Variants in PABPC4L observed in about 807,000 individuals in gnomAD.
PABPC4L encodes polyadenylate-binding protein 4-like.
For missense variants in PABPC4L, 452 were observed against 451.4 expected, an observed-to-expected ratio of 1.00 and a Z score of -0.01; for synonymous variants, 169 against 164.1, an observed-to-expected ratio of 1.03 and a Z score of -0.23.
the PABPC4L span, among the ~76,000 whole-genome samples, chr4:133,998,065 G>C: frequency 6.6e-6 from 1 of 151,476 alleles, no homozygotes; most frequent in African/African-American, 2.4e-5. Context: ...GTATGATCAT[G>C]GAATTTGTTA....
At chr4:133,963,935 C>T in the PABPC4L span, among the ~76,000 whole-genome samples, 1 of 151,878 alleles carries the variant, frequency 6.6e-6, no homozygotes. Flanking sequence ...CAAAACAAAA[C>T]AAATCCAAAC....
At chr4:134,011,598 T>C in the PABPC4L span, among the ~76,000 whole-genome samples, 1 of 152,120 alleles carries the variant, frequency 6.6e-6, no homozygotes, top group African/African-American at 2.4e-5. Flanking sequence ...TGACATATTT[T>C]CTATAATTAT....
the PABPC4L span, among the ~76,000 whole-genome samples, chr4:134,005,518 G>A: frequency 1.3e-5 from 2 of 151,686 alleles, no homozygotes; most frequent in Admixed American, 6.6e-5. Flanking sequence ...TTTTTTATAA[G>A]GTATATTTTA....
chr4:134,149,029 T>C, the PABPC4L span, among the ~76,000 whole-genome samples: 1 of 152,112 alleles, frequency 6.6e-6, no homozygotes. Flanking sequence ...AGGCATTCTA[T>C]GTATCAGAAA....
At chr4:134,182,876 T>C in the PABPC4L span, among the ~76,000 whole-genome samples, 28 of 151,830 alleles carry the variant, frequency 1.8e-4, no homozygotes, top group Non-Finnish European at 3.8e-4. Flanking sequence ...CACTAATCTT[T>C]AGGGAAATTC....
At chr4:134,073,747 C>A in the PABPC4L span, among the ~76,000 whole-genome samples, 5 of 152,192 alleles carry the variant, frequency 3.3e-5, no homozygotes, top group Non-Finnish European at 5.9e-5. Flanking sequence ...AATCTAAATT[C>A]TTCACTTCTG....
the PABPC4L span, among the ~76,000 whole-genome samples, chr4:134,004,759 AC>A: frequency 6.6e-6 from 1 of 152,074 alleles, no homozygotes. Flanking sequence ...CTATATATAC[AC>A]AATAGAATAC....
the PABPC4L span, among the ~76,000 whole-genome samples, chr4:134,092,017 G>T: frequency 6.6e-6 from 1 of 151,908 alleles, no homozygotes; most frequent in Admixed American, 6.6e-5. Context: ...GTTATTGATA[G>T]ATTTTCTTCA....
the PABPC4L span, among the ~76,000 whole-genome samples, chr4:134,033,401 T>A: frequency 6.6e-6 from 1 of 151,910 alleles, no homozygotes; most frequent in Non-Finnish European, 1.5e-5. Context: ...CATTTAAGTG[T>A]TCCAGTGAAA....
At chr4:134,036,470 A>T in the PABPC4L span, among the ~76,000 whole-genome samples, 54 of 152,244 alleles carry the variant, frequency 3.5e-4, no homozygotes, top group African/African-American at 1.3e-3. Flanking sequence ...TCAGTAAATC[A>T]TAGTAGACTA....
the PABPC4L span, among the ~76,000 whole-genome samples, chr4:134,125,081 C>T: frequency 0.48 from 72,275 of 151,916 alleles, 20,386 homozygotes; most frequent in East Asian, 0.98. Context: ...TTTTAAAATA[C>T]ATTCCTGAGC....
At chr4:134,163,520 T>A in the PABPC4L span, among the ~76,000 whole-genome samples, 1 of 152,082 alleles carries the variant, frequency 6.6e-6, no homozygotes, top group Non-Finnish European at 1.5e-5. Flanking sequence ...AGCATCACCC[T>A]GACATCAAAG....
chr4:134,120,208 T>A, the PABPC4L span, among the ~76,000 whole-genome samples: 1 of 150,344 alleles, frequency 6.7e-6, no homozygotes, highest in Admixed American at 6.7e-5. Context: ...ATGTGAAGGG[T>A]CCCCTAGCTC....
the PABPC4L span, among the ~76,000 whole-genome samples, chr4:134,120,906 T>C: frequency 6.6e-6 from 1 of 151,384 alleles, no homozygotes; most frequent in African/African-American, 2.4e-5. Context: ...TTAAATTGTT[T>C]TTCTCCTCTC....
the PABPC4L span, among the ~76,000 whole-genome samples, chr4:134,014,464 C>T: frequency 7.2e-5 from 11 of 152,164 alleles, no homozygotes; most frequent in Non-Finnish European, 1.6e-4. Flanking sequence ...AGAAATCTGG[C>T]CACCAGGCCA....
chr4:134,074,082 T>G, the PABPC4L span, among the ~76,000 whole-genome samples: 76,016 of 152,070 alleles, frequency 0.5, 20,145 homozygotes, highest in East Asian at 0.93. Flanking sequence ...GCAGCCAGCT[T>G]GAATTTCTTT....
At chr4:134,052,764 G>GTGAGTAAAT in the PABPC4L span, among the ~76,000 whole-genome samples, 8 of 152,026 alleles carry the variant, frequency 5.3e-5, no homozygotes, top group Non-Finnish European at 1.2e-4. Context: ...CAGTCATCAT[G>GTGAGTAAAT]TGAGTAAATT....
chr4:134,074,024 T>C, the PABPC4L span, among the ~76,000 whole-genome samples: 1 of 152,176 alleles, frequency 6.6e-6, no homozygotes, highest in Non-Finnish European at 1.5e-5. Context: ...ATTTTCTCTG[T>C]TGTCTTGGTG....
the PABPC4L span, among the ~76,000 whole-genome samples, chr4:134,018,443 A>G: frequency 2.6e-5 from 4 of 152,044 alleles, no homozygotes; most frequent in African/African-American, 2.4e-5. Context: ...TTGGTGTCCA[A>G]ATTATTTTGC....
Sources: allele counts gnomAD v4.1 joint callset (sites outside exome capture counted in the v4.1 genomes callset), GRCh38; gene constraint gnomAD v4.1.1; transcripts MANE v1.5; gene names NCBI Gene and HGNC (gene_info 2026-07-23, HGNC 2026-07-21).